Variants in OR56A3 observed in about 807,000 individuals in gnomAD.
OR56A3 encodes olfactory receptor family 56 subfamily A member 3, also known as olfactory receptor 56A3.
Under a neutral mutation model 17.5 loss-of-function variants are expected in OR56A3, and 23 were observed. The observed-to-expected ratio is 1.32, with a 90% CI of 0.95 to 1.87. The LOEUF (loss-of-function observed/expected upper bound fraction) is 1.87, where lower values mean the gene tolerates loss of function less well. Among genes scored for constraint, OR56A3 ranks in the 40% most tolerant of loss-of-function variants. The probability of loss-of-function intolerance (pLI) is 0.00; values close to 1 mark genes in which losing one functional copy is unlikely to be tolerated. For synonymous variants in OR56A3, 175 were observed against 150.6 expected, an observed-to-expected ratio of 1.16 and a Z score of -1.19; for missense variants, 366 against 380.1, an observed-to-expected ratio of 0.96 and a Z score of 0.31.
chr11:5,996,448 G>C, the OR56A3 span, among the ~76,000 whole-genome samples: 1 of 151,446 alleles, frequency 6.6e-6, no homozygotes, highest in Admixed American at 6.6e-5. Context: ...CTGTAGCCCA[G>C]CCTCTTTGTC....
chr11:5,997,655 A>G, the OR56A3 span, among the ~76,000 whole-genome samples: 1 of 152,236 alleles, frequency 6.6e-6, no homozygotes, highest in Non-Finnish European at 1.5e-5. Flanking sequence ...GAGGCATTAC[A>G]AATAAAAATT....
the OR56A3 span, among the ~76,000 whole-genome samples, chr11:6,005,634 A>C: frequency 2.0e-5 from 3 of 152,228 alleles, no homozygotes; most frequent in Admixed American, 6.5e-5. Context: ...ACAAACATTC[A>C]AATCTTGTAG....
chr11:6,018,265 G>T, the OR56A3 span, among the ~76,000 whole-genome samples: 12 of 151,956 alleles, frequency 7.9e-5, no homozygotes, highest in Admixed American at 2.0e-4. Flanking sequence ...CATTTTATCC[G>T]ACAGCTGTAG....
At position 5,947,870 on chromosome 11, in the gene OR56A3, G is replaced by A; in HGVS notation, c.524G>A (p.Arg175Lys). The change falls in exon 3 of 3, where the codon AGA (arginine) becomes AAA (lysine). Residue 175 changes from arginine to lysine, a missense_variant. Transcript: ENST00000641160. ...ILSAQLRYCG[R>K]NVIENCICAN... Reference sequence around the variant, plus strand: ...TCAGCACAACTCCGTTATTGTGGAAGAAATGTCATTGAGAACTGCATCTGT... The same window carrying A: ...TCAGCACAACTCCGTTATTGTGGAAAAAATGTCATTGAGAACTGCATCTGT... 1 of 1,614,206 alleles carries A rather than the reference G, an allele frequency of 6.2e-7. No individual in the cohort carries two copies. Among genetic ancestry groups the A allele is most frequent in the Non-Finnish European group, 8.5e-7 (1 of 1,180,040 alleles).
At chr11:5,989,633 G>T in the OR56A3 span, among the ~76,000 whole-genome samples, 1 of 151,998 alleles carries the variant, frequency 6.6e-6, no homozygotes, top group Non-Finnish European at 1.5e-5. Flanking sequence ...AGTAGGGGAG[G>T]GTGGGAGGTG....
At chr11:5,996,876 G>A in the OR56A3 span, among the ~76,000 whole-genome samples, 1 of 152,184 alleles carries the variant, frequency 6.6e-6, no homozygotes, top group Non-Finnish European at 1.5e-5. Context: ...GAGTATAGTC[G>A]CTTGAGCAAT....
the OR56A3 span, chr11:6,002,823 G>C: frequency 6.2e-7 from 1 of 1,613,864 alleles, no homozygotes; most frequent in South Asian, 1.1e-5. Flanking sequence ...CTGGTGCAGA[G>C]AGGCCTCCAG....
Position 5,949,618 on chromosome 11 carries a change from C to G in OR56A3, c.*1324C>G, listed in dbSNP as rs1847896266. ...CAAGTATGTGTTACTTTGTTTTGAC[C>G]ATACAAGGAAAATTTCTCAAGTATC... On this transcript the variant is annotated 3_prime_UTR_variant, in exon 3 of 3. Transcript: ENST00000641160. 1 of 152,022 alleles carries G rather than the reference C, an allele frequency of 6.6e-6. No individual in the cohort carries two copies. Among genetic ancestry groups the G allele is most frequent in the Non-Finnish European group, 1.5e-5 (1 of 67,992 alleles). 9.4% of individuals were successfully genotyped at this position (152,022 alleles called of 1,614,324 possible).
the OR56A3 span, among the ~76,000 whole-genome samples, chr11:6,011,204 T>TATATATATA: frequency 2.5e-4 from 31 of 122,526 alleles, no homozygotes; most frequent in African/African-American, 8.6e-4. Context: ...GAGATTTATT[T>TATATATATA]TATATATATA....
chr11:6,002,968 TGGAGTCATTGCTG>T, the OR56A3 span: 2 of 1,613,926 alleles, frequency 1.2e-6, no homozygotes, highest in African/African-American at 1.3e-5. Flanking sequence ...ACTGGGGCAG[TGGAGTCATTGCTG>T]GGAGATGCCA....
At chr11:5,985,570 C>T in the OR56A3 span, among the ~76,000 whole-genome samples, 4 of 152,172 alleles carry the variant, frequency 2.6e-5, no homozygotes, top group African/African-American at 9.7e-5. Context: ...AAACCTAAAA[C>T]CAACCAAAGG....
At chr11:5,982,497 T>C in the OR56A3 span, among the ~76,000 whole-genome samples, 7 of 152,038 alleles carry the variant, frequency 4.6e-5, no homozygotes, top group African/African-American at 1.5e-4. Context: ...ACTGAGGCTG[T>C]GATGAAGCAC....
At position 5,950,374 on chromosome 11, in the gene OR56A3, T is replaced by C. The variant is rs1031714540; in HGVS notation, c.*2080T>C. ...CTTCCCAAAGAACATGGTAAAAAGT[T>C]CATATTTTAAAAGTATTTGCCTGAA... On this transcript the variant is annotated 3_prime_UTR_variant, in exon 3 of 3. Transcript: ENST00000641160. 7.2e-5 allele frequency: 11 copies of C among 152,278 alleles called. No homozygotes were observed. The highest frequency in any genetic ancestry group is 5.2e-4 in the Admixed American group (8 of 15,298). The allele number at this position is 152,278 out of a possible 1,614,324, so 9.4% of individuals were successfully genotyped here. A position where few individuals can be genotyped will look rare whatever the true frequency, so the allele number is the denominator to read the frequency against.
the OR56A3 span, among the ~76,000 whole-genome samples, chr11:5,988,476 ACT>A: frequency 5.3e-5 from 8 of 152,094 alleles, no homozygotes; most frequent in East Asian, 1.5e-3. Flanking sequence ...GGATACTAAA[ACT>A]CTCTCAGTCT....
At chr11:5,968,204 G>A in the OR56A3 span, 1 of 1,614,230 alleles carries the variant, frequency 6.2e-7, no homozygotes. Context: ...AGCAGGCAGG[G>A]AAGCTGATTG....
the OR56A3 span, among the ~76,000 whole-genome samples, chr11:6,010,650 A>C: frequency 6.6e-6 from 1 of 152,330 alleles, no homozygotes; most frequent in Non-Finnish European, 1.5e-5. Flanking sequence ...TATTCTTTGC[A>C]GATTACCCAG....
At chr11:5,974,047 G>T in the OR56A3 span, among the ~76,000 whole-genome samples, 1 of 151,706 alleles carries the variant, frequency 6.6e-6, no homozygotes, top group Non-Finnish European at 1.5e-5. Context: ...TATCTCCTAC[G>T]TGCTTCTTAT....
the OR56A3 span, among the ~76,000 whole-genome samples, chr11:6,006,626 C>G: frequency 1.3e-5 from 2 of 152,168 alleles, no homozygotes; most frequent in South Asian, 2.1e-4. Context: ...TATGACCTAG[C>G]TAGGCACAGA....
chr11:5,974,747 T>C, the OR56A3 span, among the ~76,000 whole-genome samples: 1 of 152,230 alleles, frequency 6.6e-6, no homozygotes, highest in Non-Finnish European at 1.5e-5. Context: ...CATGGTACTC[T>C]GGACAAATCA....
Sources: gnomAD v4.1 joint callset for allele counts (sites outside exome capture counted in the v4.1 genomes callset) on GRCh38, gnomAD v4.1.1 for gene constraint, MANE v1.5 for transcripts, NCBI Gene and HGNC (gene_info 2026-07-23, HGNC 2026-07-21) for gene names.